The following ADAMTS6 variants were observed in gnomAD, a reference collection of about 807,000 sequenced individuals.
ADAMTS6 encodes ADAM metallopeptidase with thrombospondin type 1 motif 6, also known as A disintegrin and metalloproteinase with thrombospondin motifs 6.
ADAMTS6 carries 23 observed loss-of-function variants against 144.3 expected under a neutral mutation model. That is an observed-to-expected ratio of 0.16 (90% CI 0.11 to 0.23). The LOEUF is 0.23. Ranked by LOEUF, ADAMTS6 falls within the 10% of genes least tolerant of loss-of-function variation. The pLI, the probability that ADAMTS6 is intolerant of heterozygous loss-of-function variation, is 1.00. For missense variants in ADAMTS6, 999 were observed against 1,379.6 expected (o/e 0.72, Z 4.37); for synonymous variants, 444 against 457.5 (o/e 0.97, Z 0.38).
chr5:65,237,839 C>T (rs1044651657), intron 15 of ADAMTS6, among the ~76,000 whole-genome samples: 6 of 152,192 alleles, frequency 3.9e-5, no homozygotes, highest in African/African-American at 1.4e-4. Context: ...GTAATCCCAG[C>T]ACTTTGGGAG....
chr5:65,351,341 C>T (rs1180943196), intron 7 of ADAMTS6, among the ~76,000 whole-genome samples: 2 of 152,172 alleles, frequency 1.3e-5, no homozygotes, highest in Non-Finnish European at 2.9e-5. Context: ...AAGGGCTATA[C>T]AGCATAAAGT....
intron 7 of ADAMTS6, among the ~76,000 whole-genome samples, chr5:65,338,193 G>A (rs1177246143): frequency 1.3e-5 from 2 of 152,122 alleles, no homozygotes; most frequent in East Asian, 1.9e-4. Context: ...TTTTCTTTTC[G>A]TGAAAGTGTA....
intron 22 of ADAMTS6, among the ~76,000 whole-genome samples, chr5:65,183,918 A>C (rs973188357): frequency 2.0e-5 from 3 of 152,208 alleles, no homozygotes; most frequent in Admixed American, 1.3e-4. Flanking sequence ...TATAAACATC[A>C]AAATTCATCT....
intron 7 of ADAMTS6, among the ~76,000 whole-genome samples, chr5:65,347,580 A>G (rs148640393): frequency 1.1e-3 from 164 of 152,226 alleles, no homozygotes; most frequent in Middle Eastern, 3.4e-3. Flanking sequence ...AAGCTCCACA[A>G]CATTGATCTG....
intron 21 of ADAMTS6, among the ~76,000 whole-genome samples, chr5:65,196,807 T>C (rs1482300399): frequency 6.6e-6 from 1 of 152,164 alleles, no homozygotes; most frequent in African/African-American, 2.4e-5. Flanking sequence ...TTCATTGAAG[T>C]TCCTGCTTTA....
chr5:65,480,579 G>C (rs933839167), intron 1 of ADAMTS6, among the ~76,000 whole-genome samples: 1 of 152,070 alleles, frequency 6.6e-6, no homozygotes, highest in African/African-American at 2.4e-5. Context: ...TTTTCCTCTA[G>C]TACAGGGAAA....
At chr5:65,428,097 G>T (rs778540869) in intron 7 of ADAMTS6, among the ~76,000 whole-genome samples, 3 of 151,812 alleles carry the variant, frequency 2.0e-5, no homozygotes, top group Non-Finnish European at 4.4e-5. Flanking sequence ...GTGGTGGTGT[G>T]TGCCTATAGT....
intron 9 of ADAMTS6, among the ~76,000 whole-genome samples, chr5:65,300,788 C>A (rs62369620): frequency 6.6e-6 from 1 of 151,816 alleles, no homozygotes; most frequent in African/African-American, 2.4e-5. Flanking sequence ...CCTGTCACCC[C>A]GCCTGGCTAA....
intron 7 of ADAMTS6, among the ~76,000 whole-genome samples, chr5:65,352,107 C>T (rs182333974): frequency 3.9e-5 from 6 of 152,256 alleles, no homozygotes; most frequent in African/African-American, 1.4e-4. Context: ...TTCTAGCCAA[C>T]TTGTCAAAGT....
intron 7 of ADAMTS6, among the ~76,000 whole-genome samples, chr5:65,431,598 C>T (rs1757003920): frequency 6.6e-6 from 1 of 152,090 alleles, no homozygotes; most frequent in East Asian, 1.9e-4. Context: ...ATTAAATATT[C>T]TGTGGGAGCT....
rs1458257900 is a variant in ADAMTS6, at chr5:65,207,671, G to T, written c.2575+7123C>A. 2.0e-5 allele frequency among the ~76,000 whole-genome samples: 3 copies of T among 152,328 alleles called. No individual in the cohort carries two copies. In the East Asian group the frequency reaches 5.8e-4, roughly 29 times the overall value. ...TTCTGCAAAGATTCATTCTCTTAAA[G>T]AAAGTAACTTCCTAAAAAATGAAGG... On this transcript the variant is annotated intron_variant, in intron 20 of 24. Transcript: ENST00000381055.
intron 10 of ADAMTS6, among the ~76,000 whole-genome samples, chr5:65,294,083 G>C (rs182701812): frequency 7.9e-5 from 12 of 152,280 alleles, no homozygotes; most frequent in African/African-American, 2.9e-4. Context: ...GTATCTGCAA[G>C]GTGGATTTAA....
At chr5:65,389,471 A>C (rs961611215) in intron 7 of ADAMTS6, among the ~76,000 whole-genome samples, 3 of 152,176 alleles carry the variant, frequency 2.0e-5, no homozygotes, top group South Asian at 2.1e-4. Flanking sequence ...ATAATTCTGT[A>C]AGAGCTATAA....
chr5:65,412,617 G>A (rs2150184606), intron 7 of ADAMTS6, among the ~76,000 whole-genome samples: 1 of 152,190 alleles, frequency 6.6e-6, no homozygotes, highest in South Asian at 2.1e-4. Context: ...ATTTGGAGAA[G>A]ATGGCATTTT....
intron 11 of ADAMTS6, among the ~76,000 whole-genome samples, chr5:65,276,231 T>G (rs2112676687): frequency 6.6e-6 from 1 of 152,288 alleles, no homozygotes; most frequent in African/African-American, 2.4e-5. Flanking sequence ...GAAAACTAGA[T>G]CTCCACTTCT....
intron 1 of ADAMTS6, among the ~76,000 whole-genome samples, chr5:65,479,186 T>C (rs954262178): frequency 1.4e-4 from 22 of 152,196 alleles, no homozygotes; most frequent in Non-Finnish European, 8.8e-5. Context: ...GTGTTTAATT[T>C]TTACATATGA....
At chr5:65,347,236 G>A (rs979192178) in intron 7 of ADAMTS6, among the ~76,000 whole-genome samples, 2 of 151,506 alleles carry the variant, frequency 1.3e-5, no homozygotes, top group Non-Finnish European at 3.0e-5. Context: ...ACCTCAAATA[G>A]CCACAGCAAC....
chr5:65,230,160 T>C (rs925484968), intron 15 of ADAMTS6, among the ~76,000 whole-genome samples: 3 of 150,964 alleles, frequency 2.0e-5, no homozygotes, highest in African/African-American at 7.3e-5. Flanking sequence ...AAATATAAAA[T>C]AGAAGAGTAA....
intron 15 of ADAMTS6, among the ~76,000 whole-genome samples, chr5:65,239,165 T>C (rs1437228362): frequency 6.6e-6 from 1 of 150,888 alleles, no homozygotes; most frequent in African/African-American, 2.4e-5. Flanking sequence ...ATACCTAATG[T>C]AAATGGCGAG....
Sources: gnomAD v4.1 joint callset for allele counts (sites outside exome capture counted in the v4.1 genomes callset) on GRCh38, gnomAD v4.1.1 for gene constraint, MANE v1.5 for transcripts, NCBI Gene and HGNC (gene_info 2026-07-23, HGNC 2026-07-21) for gene names.